The following SC5D variants were observed in gnomAD, a reference collection of about 807,000 sequenced individuals.
SC5D encodes the protein lathosterol oxidase.
Under a neutral mutation model 23.9 loss-of-function variants are expected in SC5D, and 21 were observed. The ratio of observed to expected loss-of-function variants is 0.88; its 90% CI spans 0.62 to 1.26. The LOEUF is 1.26. Ranked by LOEUF, SC5D falls within the 50% of genes most tolerant of loss-of-function variation. The pLI is 0.00. For missense variants in SC5D, 309 were observed against 364.8 expected, an observed-to-expected ratio of 0.85 and a Z score of 1.25; for synonymous variants, 113 against 125.9, an observed-to-expected ratio of 0.90 and a Z score of 0.68.
At position 121,312,248 on chromosome 11, in the gene SC5D, G is replaced by A. The variant is rs7926797; in HGVS notation, c.*4736G>A. On this transcript the variant is annotated 3_prime_UTR_variant, in exon 5 of 5. Transcript: ENST00000264027. ...GCTTTACTGTCAAAGCAGGCTTTTG[G>A]TATGGGAAGAAAAATACTTATAAAT... Among the ~76,000 whole-genome samples, 2 of 152,076 alleles carry A rather than the reference G, an allele frequency of 1.3e-5. No homozygotes were observed. Among genetic ancestry groups the A allele is most frequent in the Non-Finnish European group, 2.9e-5 (2 of 67,988 alleles).
In SC5D at chr11:121,303,424, G is replaced by A. The variant is rs1240163598; in HGVS notation, c.49G>A (p.Val17Met). Residue 17 changes from valine to methionine, a missense_variant, in exon 2 of 5, where the codon GTG (valine) becomes ATG (methionine). Transcript: ENST00000264027. Reference sequence around the variant, plus strand: ...AGATTACTATTTTTTTACACCATACGTGTATCCAGCCACATGGCCAGAAGA... The same window carrying A: ...AGATTACTATTTTTTTACACCATACATGTATCCAGCCACATGGCCAGAAGA... ...VADYYFFTPY[V>M]YPATWPEDDI... is the part of the protein sequence containing the mutation. The A allele has an allele frequency of 8.1e-6, 13 of 1,613,870 alleles. No individual in the cohort carries two copies. Among genetic ancestry groups the A allele is most frequent in the Middle Eastern group, 3.3e-4 (2 of 6,062 alleles).
chr11:121,293,542 A>G (rs1373716614), intron 1 of SC5D, among the ~76,000 whole-genome samples: 1 of 152,206 alleles, frequency 6.6e-6, no homozygotes, highest in African/African-American at 2.4e-5. Flanking sequence ...AAAATAATGT[A>G]TACTGACATC....
Position 121,309,468 on chromosome 11 carries a change from T to C in SC5D, c.*1956T>C, listed in dbSNP as rs1947993191. On this transcript the variant is annotated 3_prime_UTR_variant, in exon 5 of 5. Transcript: ENST00000264027. Reference sequence around the variant, plus strand: ...TGAGCAGCTAGACAGTTTGCCGTATTTGTGGTGTTCTCCTCTTGTTGATGT... The same window carrying C: ...TGAGCAGCTAGACAGTTTGCCGTATCTGTGGTGTTCTCCTCTTGTTGATGT... Among the ~76,000 whole-genome samples, 1 of 152,136 alleles carries C rather than the reference T, an allele frequency of 6.6e-6. No individual in the cohort carries two copies. The highest frequency in any genetic ancestry group is 2.1e-4 in the South Asian group (1 of 4,824).
At chr11:121,299,180 A>G (rs916396126) in intron 1 of SC5D, among the ~76,000 whole-genome samples, 3 of 152,190 alleles carry the variant, frequency 2.0e-5, no homozygotes, top group African/African-American at 7.2e-5. Context: ...TTAAGCAGAA[A>G]TATATTAATA....
chr11:121,299,450 T>C (rs1947911637), intron 1 of SC5D, among the ~76,000 whole-genome samples: 1 of 152,278 alleles, frequency 6.6e-6, no homozygotes, highest in African/African-American at 2.4e-5. Flanking sequence ...GAATACATTG[T>C]TTATTGTCTG....
intron 3 of SC5D, 40 bp downstream of exon 3, chr11:121,304,533 A>G: frequency 6.3e-7 from 1 of 1,591,984 alleles, no homozygotes; most frequent in Non-Finnish European, 8.6e-7. Flanking sequence ...GAGTAGTCTA[A>G]GCACAGGTTA....
rs1371492880 is a variant in SC5D at position 121,308,163 on chromosome 11, A to G, written c.*651A>G. On this transcript the variant is annotated 3_prime_UTR_variant, in exon 5 of 5. Coordinates refer to ENST00000264027, the MANE Select transcript of SC5D (RefSeq NM_006918.5). The stretch of plus-strand genomic sequence containing the variant: ...CACCTATTACATTTTACTGATTAAC[A>G]AATAAATTGGAATTTAAAAATATCG... The G allele has an allele frequency of 1.3e-5, 2 of 152,220 alleles. No individual in the cohort carries two copies. Among genetic ancestry groups the G allele is most frequent in the Non-Finnish European group, 2.9e-5 (2 of 68,042 alleles). 9.4% of individuals were successfully genotyped at this position (152,220 alleles called of 1,614,324 possible). A position where few individuals can be genotyped will look rare whatever the true frequency, so the allele number is the denominator to read the frequency against.
intron 1 of SC5D, among the ~76,000 whole-genome samples, chr11:121,300,686 A>G (rs1027955241): frequency 1.3e-5 from 2 of 152,226 alleles, no homozygotes; most frequent in African/African-American, 4.8e-5. Flanking sequence ...AATGATTCCC[A>G]TGAGCAGGGC....
intron 1 of SC5D, 138 bp from the exon 2 acceptor site, chr11:121,303,228 T>TAGGGGATTCTGATAGC: frequency 1.5e-6 from 1 of 677,464 alleles, no homozygotes; most frequent in Admixed American, 2.2e-5. Flanking sequence ...AGATGGCATG[T>TAGGGGATTCTGATAGC]AGGGGATTCT....
chr11:121,295,913 G>C (rs188320030), intron 1 of SC5D, among the ~76,000 whole-genome samples: 1 of 152,082 alleles, frequency 6.6e-6, no homozygotes, highest in Non-Finnish European at 1.5e-5. Flanking sequence ...TTACTTGCGC[G>C]AAATCTCTGC....
chr11:121,296,467 A>T (rs758171549), intron 1 of SC5D, among the ~76,000 whole-genome samples: 1 of 152,180 alleles, frequency 6.6e-6, no homozygotes, highest in Non-Finnish European at 1.5e-5. Context: ...TCTCTTTGGA[A>T]TGGCTATCCC....
intron 1 of SC5D, among the ~76,000 whole-genome samples, chr11:121,295,211 G>T (rs922033250): frequency 6.6e-6 from 1 of 152,192 alleles, no homozygotes; most frequent in African/African-American, 2.4e-5. Flanking sequence ...GCCTCAGGAA[G>T]CCCTGACAAT....
chr11:121,306,259 G>A (rs1947963098), intron 3 of SC5D, 127 bp from the exon 4 acceptor site: 3 of 697,206 alleles, frequency 4.3e-6, no homozygotes, highest in Non-Finnish European at 7.9e-6. Context: ...TACTGAATTA[G>A]CCAGAACAGA....
chr11:121,306,710 C>T, intron 4 of SC5D: 3 of 659,394 alleles, frequency 4.5e-6, no homozygotes, highest in South Asian at 1.6e-5. Flanking sequence ...CATGGACTTA[C>T]AGAGGGAACA....
In SC5D at chr11:121,306,779, T is replaced by A. The variant is rs893728470; in HGVS notation, c.445-278T>A. On this transcript the variant is annotated intron_variant, in intron 4 of 4. Transcript: ENST00000264027. ...GGGAGAGGAGTGAGGGATGAGACGCTCCCTATTGGGTACAATGTGCACTCT... is the reference window on the plus strand; with the variant it reads ...GGGAGAGGAGTGAGGGATGAGACGCACCCTATTGGGTACAATGTGCACTCT... 1.1e-5 allele frequency: 7 copies of A among 616,840 alleles called. No individual in the cohort carries two copies. The African/African-American group carries it at 1.3e-4, about 11-fold the overall frequency. The allele number at this position is 616,840 out of a possible 1,614,324, so 38.2% of individuals were successfully genotyped here.
chr11:121,304,583 C>A, intron 3 of SC5D, 90 bp downstream of exon 3: 2 of 1,103,008 alleles, frequency 1.8e-6, no homozygotes, highest in Non-Finnish European at 2.7e-6. Context: ...TTTTTTTCAT[C>A]TTTTAAAATA....
chr11:121,299,261 C>T (rs957436440), intron 1 of SC5D, among the ~76,000 whole-genome samples: 10 of 152,204 alleles, frequency 6.6e-5, no homozygotes, highest in African/African-American at 1.9e-4. Flanking sequence ...ACTTGAGAAT[C>T]CTGATCCTGG....
chr11:121,304,402 G>A lies in SC5D; in HGVS notation c.252G>A (p.Leu84=), dbSNP rs1173348561. ...AGATTAAGTTTACTGTCCAGGCATTGCCATGGATAAGTATTCTTACTGTTG... is the reference window on the plus strand; with the variant it reads ...AGATTAAGTTTACTGTCCAGGCATTACCATGGATAAGTATTCTTACTGTTG... ...RREIKFTVQA[L]PWISILTVAL... The change falls in exon 3 of 5, where the codon TTG becomes TTA. Residue 84 remains leucine (L), a synonymous_variant. Transcript: ENST00000264027. The A allele has an allele frequency of 1.9e-6, 3 of 1,611,296 alleles. No homozygotes were observed. The highest frequency in any genetic ancestry group is 1.3e-5 in the African/African-American group (1 of 74,832).
In SC5D at chr11:121,307,902, G is replaced by A. The variant is rs1947979991; in HGVS notation, c.*390G>A. On this transcript the variant is annotated 3_prime_UTR_variant, in exon 5 of 5. Transcript: ENST00000264027. The stretch of plus-strand genomic sequence containing the variant: ...GAATCATTGTGCTTAATAATACCAA[G>A]ACTAAGCACCATAACCAAGAAATAC... 1 of 165,620 alleles carries A rather than the reference G, an allele frequency of 6.0e-6. No individual in the cohort carries two copies. Among genetic ancestry groups the A allele is most frequent in the South Asian group, 1.6e-4 (1 of 6,262 alleles). 10.3% of individuals were successfully genotyped at this position (165,620 alleles called of 1,614,324 possible). A position where few individuals can be genotyped will look rare whatever the true frequency, so the allele number is the denominator to read the frequency against.
Sources: gnomAD v4.1 joint callset for allele counts (sites outside exome capture counted in the v4.1 genomes callset) on GRCh38, gnomAD v4.1.1 for gene constraint, MANE v1.5 for transcripts, NCBI Gene and HGNC (gene_info 2026-07-23, HGNC 2026-07-21) for gene names.